CSMD2: variants seen among roughly 807,000 people sequenced by gnomAD.
CSMD2 encodes the protein CUB and Sushi multiple domains 2, also known as CUB and sushi domain-containing protein 2.
A neutral mutation model predicts 398.5 loss-of-function variants in CSMD2; 130 were observed. The observed-to-expected ratio is 0.33, with a 90% CI of 0.28 to 0.38. The LOEUF (loss-of-function observed/expected upper bound fraction) is 0.38. Ranked by LOEUF, CSMD2 falls within the 10% of genes least tolerant of loss-of-function variation. The probability of loss-of-function intolerance (pLI) is 1.00; values close to 1 mark genes in which losing one functional copy is unlikely to be tolerated. For missense variants in CSMD2, 3,829 were observed against 4,764.9 expected, an observed-to-expected ratio of 0.80 and a Z score of 5.78; for synonymous variants, 1,828 against 1,908.5, an observed-to-expected ratio of 0.96 and a Z score of 1.10.
At chr1:33,802,399 C>T (rs995189286) in intron 10 of CSMD2, among the ~76,000 whole-genome samples, 6 of 152,316 alleles carry the variant, frequency 3.9e-5, no homozygotes, top group South Asian at 4.1e-4. Context: ...AGTGCAGAGG[C>T]GCACAGCCCA....
chr1:33,591,999 C>A (rs1005997290), intron 44 of CSMD2: 3 of 222,216 alleles, frequency 1.4e-5, no homozygotes, highest in African/African-American at 7.0e-5. Flanking sequence ...ATGCACATAT[C>A]TTTGCATAAT....
intron 5 of CSMD2, among the ~76,000 whole-genome samples, chr1:33,902,632 G>A (rs1570449082): frequency 6.6e-6 from 1 of 152,276 alleles, no homozygotes; most frequent in East Asian, 1.9e-4. Context: ...CTGGCCCGGA[G>A]ATTAATGTCC....
chr1:33,520,394 C>T (rs1185531098), intron 68 of CSMD2, among the ~76,000 whole-genome samples: 1 of 152,184 alleles, frequency 6.6e-6, no homozygotes, highest in Non-Finnish European at 1.5e-5. Flanking sequence ...GCCTCTCCTC[C>T]TTCCTCACCC....
intron 2 of CSMD2, among the ~76,000 whole-genome samples, chr1:34,045,709 A>T (rs1380845744): frequency 6.6e-6 from 1 of 152,194 alleles, no homozygotes; most frequent in African/African-American, 2.4e-5. Flanking sequence ...CCACCTGCTG[A>T]GGTCTAAAAA....
At chr1:33,833,970 A>G (rs1166229898) in intron 6 of CSMD2, among the ~76,000 whole-genome samples, 3 of 150,164 alleles carry the variant, frequency 2.0e-5, no homozygotes, top group Non-Finnish European at 4.4e-5. Context: ...TTCAAGGAGA[A>G]CTACAAACCA....
chr1:33,902,803 C>T (rs1642843311), intron 5 of CSMD2, among the ~76,000 whole-genome samples: 2 of 152,196 alleles, frequency 1.3e-5, no homozygotes, highest in Non-Finnish European at 2.9e-5. Flanking sequence ...CCCAAGTTCA[C>T]TCCTGAGAGT....
intron 53 of CSMD2, among the ~76,000 whole-genome samples, 164 bp downstream of exon 53, chr1:33,567,429 A>G (rs548218222): frequency 2.7e-5 from 4 of 150,066 alleles, no homozygotes; most frequent in Non-Finnish European, 5.9e-5. Context: ...CAGAGAACTG[A>G]AAACATTAGA....
intron 13 of CSMD2, among the ~76,000 whole-genome samples, chr1:33,756,539 T>C (rs1649046185): frequency 6.6e-6 from 1 of 152,204 alleles, no homozygotes; most frequent in Non-Finnish European, 1.5e-5. Flanking sequence ...CCAATCATTC[T>C]AAGGAAGGTT....
In CSMD2 at chr1:34,135,616, C is replaced by CAAAAAAAAAAAAAAAAAAAAAAAAAA. The variant is rs55936483; in HGVS notation, c.187+29269_187+29294dup. The stretch of plus-strand genomic sequence containing the variant: ...CTGGCAACAAAGCAAGACTCCATCT[C>CAAAAAAAAAAAAAAAAAAAAAAAAAA]AAAAAAAAAAAAAAAAAAAAAAAAA... On this transcript the variant is annotated intron_variant, in intron 1 of 70. Transcript: ENST00000373381. Among the ~76,000 whole-genome samples, 2 of 82,618 alleles carry CAAAAAAAAAAAAAAAAAAAAAAAAAA rather than the reference C, an allele frequency of 2.4e-5. 1 individual carries two copies. The allele number at this position is 82,618 out of a possible 152,430, so 54.2% of individuals were successfully genotyped here.
chr1:33,698,845 C>T lies in CSMD2; in HGVS notation c.3833G>A (p.Cys1278Tyr). ...HFAGSSVSFS[C>Y]DPGYSLRGSE... ...ACCCCGCAGGCTGTATCCAGGGTCA[C>T]AGCTGAAGGACACGGAGCTCCCTGC... Residue 1278 changes from cysteine to tyrosine, a missense_variant, in exon 24 of 71, where the codon TGT becomes TAT. Transcript: ENST00000373381. 1 of 1,614,250 alleles carries T rather than the reference C, an allele frequency of 6.2e-7. No individual in the cohort carries two copies. Among genetic ancestry groups the T allele is most frequent in the Non-Finnish European group, 8.5e-7 (1 of 1,180,046 alleles).
chr1:33,682,010 A>T (rs931705973), intron 25 of CSMD2, among the ~76,000 whole-genome samples: 1 of 152,168 alleles, frequency 6.6e-6, no homozygotes, highest in Non-Finnish European at 1.5e-5. Flanking sequence ...TTATTCTTTC[A>T]TAGTTCTGGA....
At chr1:33,576,645 C>A (rs16835617) in intron 49 of CSMD2, among the ~76,000 whole-genome samples, 18,678 of 152,102 alleles carry the variant, frequency 0.12, 1,438 homozygotes, top group East Asian at 0.25. Context: ...AGTGGTTGCA[C>A]AGCATTATGG....
chr1:33,810,868 C>T lies in CSMD2; in HGVS notation c.1325-4G>A, dbSNP rs367728167. On this transcript the variant is annotated splice_polypyrimidine_tract_variant and splice_region_variant and intron_variant, in intron 9 of 70. Coordinates refer to ENST00000373381, the MANE Select transcript of CSMD2 (RefSeq NM_001281956.2). Reference sequence around the variant, plus strand: ...AGGTGGGCATCACACATGCGGGCTGCAGAGGAGATGAAAGACAAGCCTTTG... The same window carrying T: ...AGGTGGGCATCACACATGCGGGCTGTAGAGGAGATGAAAGACAAGCCTTTG... 12 of 1,610,172 alleles carry T rather than the reference C, an allele frequency of 7.5e-6. No homozygotes were observed. The highest frequency in any genetic ancestry group is 2.3e-5 in the East Asian group (1 of 44,438).
chr1:33,620,881 T>G (rs907308389), intron 37 of CSMD2, among the ~76,000 whole-genome samples: 1 of 151,160 alleles, frequency 6.6e-6, no homozygotes, highest in Non-Finnish European at 1.5e-5. Context: ...GGGACCTGTT[T>G]AATTCTTTCT....
At chr1:34,133,378 C>T (rs1016548514) in intron 1 of CSMD2, among the ~76,000 whole-genome samples, 42 of 152,280 alleles carry the variant, frequency 2.8e-4, no homozygotes, top group Non-Finnish European at 3.4e-4. Context: ...CGCCTGTAAT[C>T]CCAGCACTCT....
chr1:33,955,290 A>G (rs1645130533), intron 3 of CSMD2, among the ~76,000 whole-genome samples: 1 of 152,078 alleles, frequency 6.6e-6, no homozygotes, highest in Non-Finnish European at 1.5e-5. Flanking sequence ...GAGTGTGCCG[A>G]GCTTTGTTGT....
chr1:34,008,376 A>G (rs1181406247), intron 3 of CSMD2, among the ~76,000 whole-genome samples: 4 of 152,162 alleles, frequency 2.6e-5, no homozygotes, highest in African/African-American at 9.7e-5. Context: ...GGGTTTTCCA[A>G]CCCCAAATCC....
chr1:33,933,135 C>G (rs965833043), intron 4 of CSMD2, among the ~76,000 whole-genome samples: 1 of 152,226 alleles, frequency 6.6e-6, no homozygotes, highest in African/African-American at 2.4e-5. Flanking sequence ...AAAGCCTGAA[C>G]TACATGCAGA....
chr1:34,041,360 T>C (rs1315279141), intron 2 of CSMD2, among the ~76,000 whole-genome samples: 1 of 152,202 alleles, frequency 6.6e-6, no homozygotes, highest in Non-Finnish European at 1.5e-5. Context: ...GCCAGGTCTA[T>C]GTAAGACCTT....
Sources: allele counts gnomAD v4.1 joint callset (sites outside exome capture counted in the v4.1 genomes callset), GRCh38; gene constraint gnomAD v4.1.1; transcripts MANE v1.5; gene names NCBI Gene and HGNC (gene_info 2026-07-23, HGNC 2026-07-21).